Variants in GLCE observed in about 807,000 individuals in gnomAD.
GLCE encodes the protein D-glucuronyl C5-epimerase.
Under a neutral mutation model 47.9 loss-of-function variants are expected in GLCE, and 19 were observed. The ratio of observed to expected loss-of-function variants is 0.40; its 90% CI spans 0.28 to 0.58. GLCE has a LOEUF of 0.58. GLCE is among the 20% of genes least tolerant of loss of function. GLCE has a pLI of 0.48. For synonymous variants in GLCE, 245 were observed against 263.4 expected, an observed-to-expected ratio of 0.93 and a Z score of 0.68; for missense variants, 556 against 743.3, an observed-to-expected ratio of 0.75 and a Z score of 2.93.
chr15:69,223,322 G>T (rs945129308), intron 2 of GLCE, among the ~76,000 whole-genome samples: 1 of 152,028 alleles, frequency 6.6e-6, no homozygotes, highest in Admixed American at 6.6e-5. Context: ...ACTTTTGCCG[G>T]ATATAGGATT....
At chr15:69,204,126 A>G (rs139836168) in intron 1 of GLCE, among the ~76,000 whole-genome samples, 1 of 152,234 alleles carries the variant, frequency 6.6e-6, no homozygotes, top group African/African-American at 2.4e-5. Context: ...AGTGTACTAT[A>G]TTAGTTGAAG....
At chr15:69,169,507 C>T (rs568858105) in intron 1 of GLCE, among the ~76,000 whole-genome samples, 2 of 151,642 alleles carry the variant, frequency 1.3e-5, no homozygotes, top group East Asian at 1.9e-4. Context: ...ACCTGCAACT[C>T]GTCATTTACA....
At chr15:69,162,233 C>T (rs1376191676) in intron 1 of GLCE, among the ~76,000 whole-genome samples, 1 of 151,882 alleles carries the variant, frequency 6.6e-6, no homozygotes, top group Non-Finnish European at 1.5e-5. Flanking sequence ...GTGTATTTAG[C>T]CTTGGATATT....
At chr15:69,216,107 T>G (rs796299124) in intron 2 of GLCE, among the ~76,000 whole-genome samples, 15 of 152,298 alleles carry the variant, frequency 9.8e-5, no homozygotes, top group African/African-American at 3.4e-4. Context: ...GATAATTTTA[T>G]TGTTGTCTAA....
intron 1 of GLCE, among the ~76,000 whole-genome samples, chr15:69,191,622 A>T (rs2051914731): frequency 6.6e-6 from 1 of 152,188 alleles, no homozygotes; most frequent in Non-Finnish European, 1.5e-5. Flanking sequence ...CTGGTCAGGT[A>T]AGCGTCCTCT....
intron 1 of GLCE, chr15:69,196,973 A>C (rs1566953151): frequency 4.0e-6 from 1 of 248,790 alleles, no homozygotes; most frequent in African/African-American, 2.3e-5. Context: ...AACTTCTACC[A>C]AAATGTTAAT....
At chr15:69,180,313 G>A (rs1031121892) in intron 1 of GLCE, among the ~76,000 whole-genome samples, 2 of 152,004 alleles carry the variant, frequency 1.3e-5, no homozygotes, top group African/African-American at 2.4e-5. Flanking sequence ...ACTGCTCTAG[G>A]CTCTGTAAGT....
Position 69,262,294 on chromosome 15 carries a change from C to G in GLCE, c.829+965C>G, listed in dbSNP as rs367757791. On this transcript the variant is annotated intron_variant, in intron 4 of 4. Transcript: ENST00000261858. ...ATTCTGTCACTAGAACTCCTTTTCT[C>G]CCATGGCATTCTGTGATATTCTGGT... 1.2e-3 allele frequency among the ~76,000 whole-genome samples: 186 copies of G among 152,274 alleles called. 6 individuals carry two copies. The South Asian group carries it at 0.038, about 31-fold the overall frequency.
At chr15:69,222,733 A>G (rs1053355686) in intron 2 of GLCE, among the ~76,000 whole-genome samples, 10 of 152,182 alleles carry the variant, frequency 6.6e-5, no homozygotes, top group African/African-American at 2.2e-4. Context: ...ATTTCTGGCT[A>G]TGACTAGTCA....
intron 2 of GLCE, among the ~76,000 whole-genome samples, chr15:69,235,093 C>CTTTTTTTTTTTTTTTT (rs869212730): frequency 4.8e-5 from 3 of 62,880 alleles, no homozygotes; most frequent in African/African-American, 1.5e-4. Flanking sequence ...GAAGATTATT[C>CTTTTTTTTTTTTTTTT]TTTTTTTTTT....
At chr15:69,219,763 A>G (rs1410114439) in intron 2 of GLCE, among the ~76,000 whole-genome samples, 1 of 152,122 alleles carries the variant, frequency 6.6e-6, no homozygotes, top group Non-Finnish European at 1.5e-5. Context: ...CATCTGAACT[A>G]TTTTTAAGTA....
Position 69,188,138 on chromosome 15 carries a change from G to T in GLCE, c.-104-22178G>T, listed in dbSNP as rs543625428. ...CATGCCTGTAGTCCTAGCTACCCAG[G>T]AGTCTGAGGCAGAGAATCACTTGAA... On this transcript the variant is annotated intron_variant, in intron 1 of 4. Coordinates refer to ENST00000261858, the MANE Select transcript of GLCE (RefSeq NM_015554.3). Among the ~76,000 whole-genome samples, 3 of 152,186 alleles carry T rather than the reference G, an allele frequency of 2.0e-5. No homozygotes were observed. In the East Asian group the frequency reaches 5.8e-4, roughly 29 times the overall value.
intron 3 of GLCE, among the ~76,000 whole-genome samples, chr15:69,258,708 C>A (rs116218020): frequency 0.017 from 2,561 of 152,196 alleles, 72 homozygotes; most frequent in African/African-American, 0.057. Context: ...ATCACCTCAA[C>A]CATTTATCCT....
intron 1 of GLCE, among the ~76,000 whole-genome samples, chr15:69,167,905 A>G (rs952962782): frequency 2.7e-5 from 4 of 149,348 alleles, no homozygotes; most frequent in Non-Finnish European, 5.9e-5. Context: ...TCACTGTTTC[A>G]TGAGGTCTTT....
At chr15:69,192,787 A>G (rs1365245982) in intron 1 of GLCE, among the ~76,000 whole-genome samples, 1 of 152,080 alleles carries the variant, frequency 6.6e-6, no homozygotes, top group Non-Finnish European at 1.5e-5. Context: ...CCTCACTTCT[A>G]ATGCATGGTC....
chr15:69,237,620 TG>T (rs2052611515), intron 2 of GLCE, among the ~76,000 whole-genome samples: 1 of 151,820 alleles, frequency 6.6e-6, no homozygotes, highest in South Asian at 2.1e-4. Flanking sequence ...AAAAAAAAAT[TG>T]GGTACTGATT....
intron 2 of GLCE, among the ~76,000 whole-genome samples, chr15:69,236,928 TC>T (rs2052600497): frequency 1.3e-5 from 2 of 152,174 alleles, no homozygotes; most frequent in South Asian, 4.1e-4. Flanking sequence ...GCTAGTCTCT[TC>T]CTCTACCCCC....
intron 1 of GLCE, among the ~76,000 whole-genome samples, chr15:69,181,719 G>GA (rs2140340977): frequency 6.6e-6 from 1 of 152,254 alleles, no homozygotes; most frequent in Admixed American, 6.5e-5. Flanking sequence ...CATGCAGAAA[G>GA]AATCATTTTT....
chr15:69,266,769 TCA>T lies in GLCE; in HGVS notation c.830-1448_830-1447del, dbSNP rs1337577573. The T allele has an allele frequency of 2.0e-5, 18 of 898,490 alleles. No individual in the cohort carries two copies. The East Asian group carries it at 8.3e-4, about 41-fold the overall frequency. The allele number at this position is 898,490 out of a possible 1,614,324, so 55.7% of individuals were successfully genotyped here. ...CCATCTCCAATATCATTTGTCTTTTTCACAGTCTGAACCTGAGTCCGGGAAAC... is the reference window on the plus strand; with the variant it reads ...CCATCTCCAATATCATTTGTCTTTTTCAGTCTGAACCTGAGTCCGGGAAAC... On this transcript the variant is annotated intron_variant, in intron 4 of 4. Coordinates refer to ENST00000261858, the MANE Select transcript of GLCE (RefSeq NM_015554.3).
Sources: allele counts gnomAD v4.1 joint callset (sites outside exome capture counted in the v4.1 genomes callset), GRCh38; gene constraint gnomAD v4.1.1; transcripts MANE v1.5; gene names NCBI Gene and HGNC (gene_info 2026-07-23, HGNC 2026-07-21).